CHD6: variants seen among roughly 807,000 people sequenced by gnomAD.
The protein encoded by CHD6 is chromodomain helicase DNA binding protein 6.
A neutral mutation model predicts 276.9 loss-of-function variants in CHD6; 50 were observed. The observed-to-expected ratio is 0.18, with a 90% CI of 0.14 to 0.23. The LOEUF is 0.23. Among genes scored for constraint, CHD6 ranks in the 10% least tolerant of loss-of-function variants. The pLI is 1.00. For missense variants in CHD6, 2,564 were observed against 3,365.8 expected, an observed-to-expected ratio of 0.76 and a Z score of 5.89; for synonymous variants, 1,173 against 1,229.3, an observed-to-expected ratio of 0.95 and a Z score of 0.96.
chr20:41,507,530 C>T (rs746585647), intron 5 of CHD6, among the ~76,000 whole-genome samples: 1 of 152,002 alleles, frequency 6.6e-6, no homozygotes, highest in Non-Finnish European at 1.5e-5. Flanking sequence ...AAATACACAT[C>T]GAAGTAGGAA....
rs776297726 is a variant in CHD6, at chr20:41,452,043, G to A, written c.3324-18C>T. On this transcript the variant is annotated intron_variant, in intron 21 of 36. Transcript: ENST00000373233. The surrounding 1 kb of genome is among the most constrained non-coding windows in gnomAD (Gnocchi z 4.2). ...GGCCCCAGCTGACAGTGGACATACA[G>A]ACAGGTGTTGGAGGGAGAATGGACC... The A allele has an allele frequency of 4.2e-5, 68 of 1,606,984 alleles. No individual in the cohort carries two copies. The highest frequency in any genetic ancestry group is 1.6e-4 in the Middle Eastern group (1 of 6,070).
At chr20:41,510,772 T>C (rs987149441) in intron 5 of CHD6, among the ~76,000 whole-genome samples, 1 of 152,198 alleles carries the variant, frequency 6.6e-6, no homozygotes, top group African/African-American at 2.4e-5. Context: ...AAATCCTGTA[T>C]AGTGTTTTAA....
At chr20:41,568,570 A>C (rs944833894) in intron 1 of CHD6, among the ~76,000 whole-genome samples, 2 of 152,388 alleles carry the variant, frequency 1.3e-5, no homozygotes, top group East Asian at 1.9e-4. Context: ...ATTGGAAAAC[A>C]GCTCCTCAAC....
At chr20:41,542,969 T>A (rs983917651) in intron 2 of CHD6, among the ~76,000 whole-genome samples, 1 of 151,974 alleles carries the variant, frequency 6.6e-6, no homozygotes, top group African/African-American at 2.4e-5. Context: ...CTGGGTGTGG[T>A]GGCGTGTGCC....
Position 41,420,951 on chromosome 20 carries a change from T to C in CHD6, c.5684A>G (p.Glu1895Gly). 2 of 1,614,214 alleles carry C rather than the reference T, an allele frequency of 1.2e-6. No individual in the cohort carries two copies. The highest frequency in any genetic ancestry group is 4.5e-5 in the East Asian group (2 of 44,886). Residue 1895 changes from glutamate (E) to glycine (G), a missense_variant, in exon 31 of 37, where the codon GAG becomes GGG. Glu to Gly is a moderately conservative substitution (Grantham distance 98). Coordinates refer to ENST00000373233, the MANE Select transcript of CHD6 (RefSeq NM_032221.5). ...GERPEVLHLT[E>G]PTTNISREKN... The stretch of plus-strand genomic sequence containing the variant: ...TTCCCTTGAGATGTTAGTAGTGGGC[T>C]CCGTGAGATGCAATACCTCTGGCCT...
intron 5 of CHD6, among the ~76,000 whole-genome samples, chr20:41,504,077 C>CAAAAAAAAAAAA (rs1189323419): frequency 0.024 from 646 of 27,080 alleles, 76 homozygotes; most frequent in African/African-American, 0.04. Context: ...GACTCTGTCT[C>CAAAAAAAAAAAA]AAAAAAAAAA....
chr20:41,537,684 T>G (rs1363588382), intron 2 of CHD6, among the ~76,000 whole-genome samples: 3 of 152,196 alleles, frequency 2.0e-5, no homozygotes, highest in Non-Finnish European at 4.4e-5. Flanking sequence ...AACGAGATAC[T>G]ATTTTATACC....
At chr20:41,412,464 T>C (rs1035144552) in intron 35 of CHD6, among the ~76,000 whole-genome samples, 1 of 152,186 alleles carries the variant, frequency 6.6e-6, no homozygotes, top group Non-Finnish European at 1.5e-5. Context: ...TACAGTAATC[T>C]GGAAAACAGG....
At position 41,489,806 on chromosome 20, in the gene CHD6, T is replaced by C. The variant is rs2043506215; in HGVS notation, c.1652A>G (p.Gln551Arg). 6.2e-7 allele frequency: 1 copy of C among 1,614,042 alleles called. No homozygotes were observed. The highest frequency in any genetic ancestry group is 8.5e-7 in the Non-Finnish European group (1 of 1,179,924). The change falls in exon 12 of 37, where the codon CAG becomes CGG. Residue 551 changes from glutamine to arginine, a missense_variant. Physicochemically the swap from Gln to Arg is conservative, Grantham distance 43. This residue lies in a region of CHD6 where 457 missense variants were observed against 889.0 expected (regional missense o/e 0.51). Coordinates refer to ENST00000373233, the MANE Select transcript of CHD6 (RefSeq NM_032221.5). ...GSQISRQMIQ[Q>R]YEMVYRDAQG... Reference sequence around the variant, plus strand: ...GGCGTCTCTGTACACCATTTCATACTGCTGGATCATCTGCCTGCTGATCTG... The same window carrying C: ...GGCGTCTCTGTACACCATTTCATACCGCTGGATCATCTGCCTGCTGATCTG...
At chr20:41,559,497 G>T (rs976160346) in intron 1 of CHD6, among the ~76,000 whole-genome samples, 1 of 152,130 alleles carries the variant, frequency 6.6e-6, no homozygotes, top group Admixed American at 6.5e-5. Context: ...TGAGTGCTTT[G>T]CAGCATTTTA....
chr20:41,426,460 AC>A (rs1470643134), intron 27 of CHD6, among the ~76,000 whole-genome samples: 6 of 152,170 alleles, frequency 3.9e-5, no homozygotes, highest in African/African-American at 9.7e-5. Flanking sequence ...TTTTACAAGT[AC>A]TATTTTAGTT....
At chr20:41,443,959 A>G (rs1466658038) in intron 25 of CHD6, among the ~76,000 whole-genome samples, 1 of 152,194 alleles carries the variant, frequency 6.6e-6, no homozygotes, top group African/African-American at 2.4e-5. Context: ...AAGAAGTAGC[A>G]GCATGTAAAT....
At chr20:41,437,435 T>C (rs2047746521) in intron 26 of CHD6, 101 bp from the exon 27 acceptor site, 1 of 717,990 alleles carries the variant, frequency 1.4e-6, no homozygotes, top group African/African-American at 1.8e-5. Flanking sequence ...CTAAGATATT[T>C]TGGGGGAGAG....
At chr20:41,469,050 G>A (rs2042993926) in intron 17 of CHD6, among the ~76,000 whole-genome samples, 1 of 152,150 alleles carries the variant, frequency 6.6e-6, no homozygotes, top group Non-Finnish European at 1.5e-5. Context: ...GGCAGCAGAG[G>A]AAGAGGCACA....
chr20:41,613,773 T>A (rs764778149), intron 1 of CHD6, among the ~76,000 whole-genome samples: 1 of 152,164 alleles, frequency 6.6e-6, no homozygotes, highest in Non-Finnish European at 1.5e-5. Flanking sequence ...GAGGCACAGA[T>A]CCGTTTGAGA....
At chr20:41,458,152 G>A (rs753420121) in intron 17 of CHD6, among the ~76,000 whole-genome samples, 4 of 152,144 alleles carry the variant, frequency 2.6e-5, no homozygotes, top group Non-Finnish European at 5.9e-5. Context: ...TACACCAAGA[G>A]GCAGATGGTA....
Position 41,426,043 on chromosome 20 carries a change from A to G in CHD6, c.4129+50T>C, listed in dbSNP as rs538736315. 140 of 1,302,972 alleles carry G rather than the reference A, an allele frequency of 1.1e-4. 2 individuals carry two copies. In the South Asian group the frequency reaches 1.3e-3, roughly 12 times the overall value. 80.7% of individuals were successfully genotyped at this position (1,302,972 alleles called of 1,614,324 possible). ...ATTACATATAAACTCCACGATAACT[A>G]ACAAACTAAGACCTTACTTTCCTAT... is the stretch of plus-strand genomic sequence containing the variant. On this transcript the variant is annotated intron_variant, in intron 28 of 36. Transcript: ENST00000373233.
At chr20:41,515,692 A>G (rs1276776337) in intron 3 of CHD6, among the ~76,000 whole-genome samples, 3 of 152,222 alleles carry the variant, frequency 2.0e-5, no homozygotes, top group African/African-American at 4.8e-5. Flanking sequence ...CAGAATTCAC[A>G]TAACTAAATA....
intron 31 of CHD6, among the ~76,000 whole-genome samples, chr20:41,419,840 T>C (rs539362743): frequency 5.9e-5 from 9 of 152,292 alleles, no homozygotes; most frequent in African/African-American, 2.2e-4. Flanking sequence ...TGTATGTCTA[T>C]TCTTGCAAAG....
Sources: allele counts gnomAD v4.1 joint callset (sites outside exome capture counted in the v4.1 genomes callset), GRCh38; gene constraint gnomAD v4.1.1; regional missense constraint gnomAD v4.1.1; non-coding constraint Gnocchi (gnomAD v3.1); transcripts MANE v1.5; gene names NCBI Gene and HGNC (gene_info 2026-07-23, HGNC 2026-07-21).